Variants in PHKB observed in about 807,000 individuals in gnomAD.
PHKB encodes the protein phosphorylase kinase regulatory subunit beta, also known as phosphorylase b kinase regulatory subunit beta.
In PHKB, 122 loss-of-function variants were observed where a neutral mutation model predicts 152.1. That is an observed-to-expected ratio of 0.80 (90% CI 0.69 to 0.93). The LOEUF (loss-of-function observed/expected upper bound fraction) is 0.93. Ranked by LOEUF, PHKB falls within the 40% of genes least tolerant of loss-of-function variation. The pLI, the probability that PHKB is intolerant of heterozygous loss-of-function variation, is 0.00. For synonymous variants in PHKB, 436 were observed against 464.9 expected (o/e 0.94, Z 0.80); for missense variants, 1,304 against 1,328.4 (o/e 0.98, Z 0.29).
At chr16:47,695,409 T>C (rs748204865) in intron 28 of PHKB, among the ~76,000 whole-genome samples, 86 of 152,246 alleles carry the variant, frequency 5.6e-4, no homozygotes, top group Non-Finnish European at 1.1e-3. Context: ...AATTAGGTAC[T>C]ATCTGTAAAC....
At chr16:47,683,592 C>T (rs1200967) in intron 26 of PHKB, among the ~76,000 whole-genome samples, 10,753 of 152,204 alleles carry the variant, frequency 0.071, 638 homozygotes, top group African/African-American at 0.16. Flanking sequence ...CCTGGTGTGC[C>T]GTTTTTTAAG....
rs1971563433 is a variant in PHKB at position 47,566,213 on chromosome 16, A to G, written c.711-14082A>G. 6 of 751,020 alleles carry G rather than the reference A, an allele frequency of 8.0e-6. No individual in the cohort carries two copies. The South Asian group carries it at 8.9e-5, about 11-fold the overall frequency. The allele number at this position is 751,020 out of a possible 1,614,324, so 46.5% of individuals were successfully genotyped here. A position where few individuals can be genotyped will look rare whatever the true frequency, so the allele number is the denominator to read the frequency against. Reference sequence around the variant, plus strand: ...ACTCATCACAATACCAATCTGAATCATAACGATCTCGATACTTGTCTCCAA... The same window carrying G: ...ACTCATCACAATACCAATCTGAATCGTAACGATCTCGATACTTGTCTCCAA... On this transcript the variant is annotated intron_variant, in intron 7 of 30. Coordinates refer to ENST00000323584, the MANE Select transcript of PHKB (RefSeq NM_000293.3).
At chr16:47,665,825 A>T in intron 25 of PHKB, 1 of 771,848 alleles carries the variant, frequency 1.3e-6, no homozygotes, top group Non-Finnish European at 2.3e-6. Context: ...TGTTTCCTCC[A>T]AATGATGATG....
chr16:47,486,280 C>T (rs959972378), intron 1 of PHKB, among the ~76,000 whole-genome samples: 3 of 152,078 alleles, frequency 2.0e-5, no homozygotes, highest in Non-Finnish European at 2.9e-5. Flanking sequence ...AAATATTTAC[C>T]GAGAACCTCC....
chr16:47,580,429 C>A, intron 8 of PHKB, 71 bp downstream of exon 8: 1 of 1,102,910 alleles, frequency 9.1e-7, no homozygotes, highest in Non-Finnish European at 1.4e-6. Flanking sequence ...TATTCATTAA[C>A]AAAGTCATTT....
intron 21 of PHKB, 33 bp from the exon 22 acceptor site, chr16:47,660,624 A>G (rs1057053936): frequency 5.6e-6 from 9 of 1,612,888 alleles, no homozygotes; most frequent in Non-Finnish European, 7.6e-6. Flanking sequence ...TTAGAAAAGC[A>G]GAAAATATGA....
intron 26 of PHKB, among the ~76,000 whole-genome samples, chr16:47,677,429 A>G (rs1007633528): frequency 6.6e-6 from 1 of 152,176 alleles, no homozygotes; most frequent in African/African-American, 2.4e-5. Flanking sequence ...TTAAACACAG[A>G]AATTTATTTT....
At chr16:47,639,679 C>G (rs1972983408) in intron 14 of PHKB, among the ~76,000 whole-genome samples, 1 of 152,140 alleles carries the variant, frequency 6.6e-6, no homozygotes, top group Non-Finnish European at 1.5e-5. Context: ...TCCAGTTTGC[C>G]AATTACAATC....
intron 13 of PHKB, among the ~76,000 whole-genome samples, chr16:47,601,164 C>T (rs1043734550): frequency 6.6e-6 from 1 of 152,082 alleles, no homozygotes; most frequent in African/African-American, 2.4e-5. Flanking sequence ...TTGTGGTGAG[C>T]CATGATTGCA....
At chr16:47,514,136 T>C (rs1970555750) in intron 5 of PHKB, among the ~76,000 whole-genome samples, 1 of 152,144 alleles carries the variant, frequency 6.6e-6, no homozygotes, top group South Asian at 2.1e-4. Context: ...TTTTTAAATT[T>C]AGCGTTGTGT....
chr16:47,682,551 G>T (rs888540974), intron 26 of PHKB, among the ~76,000 whole-genome samples: 1 of 151,986 alleles, frequency 6.6e-6, no homozygotes, highest in African/African-American at 2.4e-5. Flanking sequence ...CCAGTTGATC[G>T]CATCGGCTCC....
chr16:47,586,946 G>T (rs1275419510), intron 8 of PHKB, among the ~76,000 whole-genome samples: 1 of 151,558 alleles, frequency 6.6e-6, no homozygotes, highest in East Asian at 1.9e-4. Flanking sequence ...GCATATATAC[G>T]TATATGGGGG....
chr16:47,553,564 T>G (rs1245309508), intron 7 of PHKB, among the ~76,000 whole-genome samples: 1 of 152,040 alleles, frequency 6.6e-6, no homozygotes, highest in Non-Finnish European at 1.5e-5. Flanking sequence ...CTCCATCCAG[T>G]TTTGTTCCCT....
intron 14 of PHKB, among the ~76,000 whole-genome samples, chr16:47,611,945 C>T (rs1972436081): frequency 6.6e-6 from 1 of 152,130 alleles, no homozygotes; most frequent in Admixed American, 6.5e-5. Flanking sequence ...GGTATTTGGC[C>T]TTTATCTTAG....
At chr16:47,596,066 T>C (rs1972112242) in intron 12 of PHKB, among the ~76,000 whole-genome samples, 1 of 152,126 alleles carries the variant, frequency 6.6e-6, no homozygotes, top group African/African-American at 2.4e-5. Context: ...TGGGGCCAGG[T>C]GGAGATAATT....
At chr16:47,581,947 T>C (rs1229047952) in intron 8 of PHKB, among the ~76,000 whole-genome samples, 1 of 152,190 alleles carries the variant, frequency 6.6e-6, no homozygotes, top group Admixed American at 6.5e-5. Flanking sequence ...CCCAAAGTGC[T>C]GGGATCACAG....
rs116187093 is a variant in PHKB at position 47,505,155 on chromosome 16, C to T, written c.405+2065C>T. On this transcript the variant is annotated intron_variant, in intron 4 of 30. Coordinates refer to ENST00000323584, the MANE Select transcript of PHKB (RefSeq NM_000293.3). ...GTAAAGTGAATGATTGGAGGTTTTA[C>T]GACCCAAAGGATCTCCACCTACTCT... 4.0e-3 allele frequency among the ~76,000 whole-genome samples: 606 copies of T among 152,264 alleles called. 2 individuals carry two copies. The highest frequency in any genetic ancestry group is 0.014 in the African/African-American group (583 of 41,546).
At chr16:47,592,588 AG>A (rs1175383194) in intron 10 of PHKB, among the ~76,000 whole-genome samples, 5 of 152,216 alleles carry the variant, frequency 3.3e-5, no homozygotes, top group Non-Finnish European at 5.9e-5. Flanking sequence ...CCTGATTCCA[AG>A]GCAGACTCAG....
intron 14 of PHKB, among the ~76,000 whole-genome samples, chr16:47,634,904 A>C (rs772718420): frequency 2.6e-5 from 4 of 152,190 alleles, no homozygotes; most frequent in East Asian, 1.9e-4. Flanking sequence ...CAGGGTGTTC[A>C]TAAGCATGTG....
Sources: gnomAD v4.1 joint callset for allele counts (sites outside exome capture counted in the v4.1 genomes callset) on GRCh38, gnomAD v4.1.1 for gene constraint, MANE v1.5 for transcripts, NCBI Gene and HGNC (gene_info 2026-07-23, HGNC 2026-07-21) for gene names.